The following DCT variants were observed in gnomAD, a reference collection of about 807,000 sequenced individuals.
DCT encodes dopachrome tautomerase.
In DCT, 47 loss-of-function variants were observed where a neutral mutation model predicts 53.0. The ratio of observed to expected loss-of-function variants is 0.89; its 90% CI spans 0.70 to 1.13. DCT has a LOEUF of 1.13. DCT is among the 50% of genes most tolerant of loss of function. The pLI is 0.00. For missense variants in DCT, 669 were observed against 637.4 expected (o/e 1.05, Z -0.53); for synonymous variants, 244 against 237.0 (o/e 1.03, Z -0.27).
chr13:94,523,714 C>T, the DCT span, among the ~76,000 whole-genome samples: 1 of 152,194 alleles, frequency 6.6e-6, no homozygotes, highest in African/African-American at 2.4e-5. Context: ...ATCAGAGACA[C>T]TTTTGCCCTG....
At chr13:94,484,817 C>G in the DCT span, among the ~76,000 whole-genome samples, 1 of 152,122 alleles carries the variant, frequency 6.6e-6, no homozygotes, top group Admixed American at 6.5e-5. Flanking sequence ...TTGCCAAATA[C>G]AGTTATATTC....
At chr13:94,504,856 T>A in the DCT span, among the ~76,000 whole-genome samples, 1 of 152,138 alleles carries the variant, frequency 6.6e-6, no homozygotes, top group African/African-American at 2.4e-5. Context: ...AGAAATGACT[T>A]GTATTGGCTT....
chr13:94,509,109 G>A, the DCT span, among the ~76,000 whole-genome samples: 15 of 152,128 alleles, frequency 9.9e-5, no homozygotes, highest in Non-Finnish European at 1.8e-4. Context: ...GTTGAGAGAA[G>A]CAAACTGAAT....
At chr13:94,482,891 C>G (rs115678172), upstream of DCT, among the ~76,000 whole-genome samples, 690 of 152,282 alleles carry the variant, frequency 4.5e-3, 4 homozygotes, top group African/African-American at 0.016. Flanking sequence ...TGAACTCCCC[C>G]CTCAGTATTT....
intron 1 of DCT, among the ~76,000 whole-genome samples, chr13:94,478,662 G>A (rs1474500733): frequency 6.6e-6 from 1 of 152,222 alleles, no homozygotes; most frequent in African/African-American, 2.4e-5. Context: ...CAAAGCTGAC[G>A]CTTTTAAGCT....
At chr13:94,531,030 C>A in the DCT span, among the ~76,000 whole-genome samples, 1 of 152,140 alleles carries the variant, frequency 6.6e-6, no homozygotes, top group Non-Finnish European at 1.5e-5. Context: ...TAAGTGAACT[C>A]CCATTCACAA....
In DCT at chr13:94,439,720, C is replaced by T. The variant is rs144776457; in HGVS notation, c.*178G>A. ...AAGCACTTTAGTTGGGTTTGTTAAA[C>T]AAGCAAGCAAAGCGGAAACTACAGC... On this transcript the variant is annotated 3_prime_UTR_variant, in exon 8 of 8. Coordinates refer to ENST00000377028, the MANE Select transcript of DCT (RefSeq NM_001922.5). 2.1e-3 allele frequency: 930 copies of T among 449,412 alleles called. 1 individual carries two copies. The highest frequency in any genetic ancestry group is 2.9e-3 in the Non-Finnish European group (745 of 259,814). The allele number at this position is 449,412 out of a possible 1,614,324, so 27.8% of individuals were successfully genotyped here.
chr13:94,464,669 A>G (rs1286645416), intron 4 of DCT, among the ~76,000 whole-genome samples: 1 of 152,048 alleles, frequency 6.6e-6, no homozygotes, highest in Non-Finnish European at 1.5e-5. Context: ...AACAAAAAAC[A>G]AAACAAATTT....
chr13:94,462,268 G>A (rs1374922983), intron 4 of DCT, 79 bp from the exon 5 acceptor site: 6 of 1,141,678 alleles, frequency 5.3e-6, no homozygotes, highest in African/African-American at 3.1e-5. Flanking sequence ...AGCACTTTGG[G>A]AGGTTGAGGC....
rs1486806909 is a variant in DCT at position 94,437,819 on chromosome 13, G to T, written c.*2079C>A. ...TTCTCTTATATGAACTACAAAATTAGGAAATTCTCTCAGGAAGACATTATA... is the reference window on the plus strand; with the variant it reads ...TTCTCTTATATGAACTACAAAATTATGAAATTCTCTCAGGAAGACATTATA... On this transcript the variant is annotated 3_prime_UTR_variant, in exon 8 of 8. Coordinates refer to ENST00000377028, the MANE Select transcript of DCT (RefSeq NM_001922.5). The T allele has an allele frequency of 6.6e-6, 1 of 152,058 alleles. No homozygotes were observed. The highest frequency in any genetic ancestry group is 1.5e-5 in the Non-Finnish European group (1 of 67,996). The allele number at this position is 152,058 out of a possible 1,614,324, so 9.4% of individuals were successfully genotyped here. A position where few individuals can be genotyped will look rare whatever the true frequency, so the allele number is the denominator to read the frequency against.
intron 2 of DCT, chr13:94,468,509 G>T: frequency 2.3e-6 from 1 of 428,372 alleles, no homozygotes; most frequent in Non-Finnish European, 4.2e-6. Context: ...TTTACACTTT[G>T]AACCAAGAAC....
intron 4 of DCT, among the ~76,000 whole-genome samples, chr13:94,462,846 T>C (rs917644454): frequency 1.3e-5 from 2 of 152,208 alleles, no homozygotes; most frequent in African/African-American, 4.8e-5. Context: ...TGGTTCGTAT[T>C]ATGCTGAGCT....
the DCT span, among the ~76,000 whole-genome samples, chr13:94,539,900 CATA>C: frequency 6.6e-6 from 1 of 151,962 alleles, no homozygotes; most frequent in African/African-American, 2.4e-5. Flanking sequence ...CAATGGTGTG[CATA>C]ATAATGATAC....
In DCT at chr13:94,443,525, T is replaced by G. The variant is rs1002350571; in HGVS notation, c.1292A>C (p.Asn431Thr). Residue 431 changes from asparagine to threonine, a missense_variant, in exon 7 of 8, where the codon AAC becomes ACC. Physicochemically the swap from Asn to Thr is moderately conservative, Grantham distance 65. Transcript: ENST00000377028. ...LAPIGHNRMY[N>T]MVPFFPPVTN... is the part of the protein sequence containing the mutation. ...CACTGGAGGGAAGAAAGGAACCATG[T>G]TGTACATCCGATTGTGACCAATAGG... 1 of 1,613,880 alleles carries G rather than the reference T, an allele frequency of 6.2e-7. No individual in the cohort carries two copies. Among genetic ancestry groups the G allele is most frequent in the Admixed American group, 1.7e-5 (1 of 60,002 alleles).
At chr13:94,525,144 A>C in the DCT span, among the ~76,000 whole-genome samples, 4 of 152,018 alleles carry the variant, frequency 2.6e-5, no homozygotes, top group South Asian at 6.3e-4. Flanking sequence ...CTTGTTGCCC[A>C]AGCTAGAGTG....
At chr13:94,459,717 T>C (rs1883654998) in intron 6 of DCT, among the ~76,000 whole-genome samples, 2 of 152,196 alleles carry the variant, frequency 1.3e-5, no homozygotes, top group Non-Finnish European at 2.9e-5. Flanking sequence ...CCTCCCCTTT[T>C]CTGGCTAACA....
At chr13:94,459,154 C>T (rs112907967) in intron 6 of DCT, among the ~76,000 whole-genome samples, 4,729 of 152,234 alleles carry the variant, frequency 0.031, 270 homozygotes, top group African/African-American at 0.11. Flanking sequence ...GCTGAGATTA[C>T]AGTCATGAGC....
At chr13:94,502,586 G>A in the DCT span, among the ~76,000 whole-genome samples, 2 of 152,126 alleles carry the variant, frequency 1.3e-5, no homozygotes, top group African/African-American at 2.4e-5. Flanking sequence ...CACCCAGCAG[G>A]CATCTGGCCA....
chr13:94,525,560 T>C, the DCT span, among the ~76,000 whole-genome samples: 1 of 152,190 alleles, frequency 6.6e-6, no homozygotes, highest in Non-Finnish European at 1.5e-5. Context: ...CCTCCTTCAT[T>C]GCGGCCTAAT....
Sources: allele counts gnomAD v4.1 joint callset (sites outside exome capture counted in the v4.1 genomes callset), GRCh38; gene constraint gnomAD v4.1.1; transcripts MANE v1.5; gene names NCBI Gene and HGNC (gene_info 2026-07-23, HGNC 2026-07-21).